Variants in DLG2 observed in about 807,000 individuals in gnomAD.
DLG2 encodes the protein discs large MAGUK scaffold protein 2.
Under a neutral mutation model 132.5 loss-of-function variants are expected in DLG2, and 45 were observed. That is an observed-to-expected ratio of 0.34 (90% CI 0.27 to 0.44). DLG2 has a LOEUF of 0.44. Ranked by LOEUF, DLG2 falls within the 20% of genes least tolerant of loss-of-function variation. The pLI, the probability that DLG2 is intolerant of heterozygous loss-of-function variation, is 1.00. For synonymous variants in DLG2, 424 were observed against 419.6 expected (o/e 1.01, Z -0.13); for missense variants, 1,045 against 1,196.9 (o/e 0.87, Z 1.87).
At chr11:84,818,130 C>T (rs557939758) in intron 6 of DLG2, among the ~76,000 whole-genome samples, 55 of 152,074 alleles carry the variant, frequency 3.6e-4, no homozygotes, top group African/African-American at 1.3e-3. Flanking sequence ...ACTTCTCTAT[C>T]AGAGGAGAAT....
chr11:85,421,962 T>C (rs1324048436), intron 3 of DLG2, among the ~76,000 whole-genome samples: 1 of 152,182 alleles, frequency 6.6e-6, no homozygotes, highest in Non-Finnish European at 1.5e-5. Context: ...TTTCACTGGA[T>C]ACACAATTTT....
chr11:83,732,008 C>T (rs930027892), intron 18 of DLG2, among the ~76,000 whole-genome samples: 1 of 152,116 alleles, frequency 6.6e-6, no homozygotes, highest in African/African-American at 2.4e-5. Context: ...TGCTTTGTTA[C>T]TATTTGGTAT....
chr11:85,371,986 G>A (rs2085019052), intron 3 of DLG2, among the ~76,000 whole-genome samples: 1 of 152,208 alleles, frequency 6.6e-6, no homozygotes, highest in Non-Finnish European at 1.5e-5. Context: ...GAACTGGAGA[G>A]AGAGAAATTA....
At chr11:85,464,020 A>C (rs558219378) in intron 3 of DLG2, among the ~76,000 whole-genome samples, 2 of 147,914 alleles carry the variant, frequency 1.4e-5, no homozygotes, top group East Asian at 2.0e-4. Flanking sequence ...ACACACACAC[A>C]CACGCCCCCC....
rs140967601 is a variant in DLG2 at position 85,575,180 on chromosome 11, A to G, written c.40+23477T>C. ...AAAAAAAAAAATCTTTATAATGGCC[A>G]AGAAATTCCATAATCTGTCTTCCCA... On this transcript the variant is annotated intron_variant, in intron 3 of 27. Coordinates refer to ENST00000376104, the MANE Select transcript of DLG2 (RefSeq NM_001142699.3). Among the ~76,000 whole-genome samples the G allele has an allele frequency of 7.6e-3, 1,159 of 151,838 alleles. 15 individuals are homozygous for G. Among genetic ancestry groups the G allele is most frequent in the African/African-American group, 0.027 (1,130 of 41,444 alleles).
At chr11:84,585,784 A>G (rs1014959719) in intron 6 of DLG2, among the ~76,000 whole-genome samples, 1 of 152,250 alleles carries the variant, frequency 6.6e-6, no homozygotes, top group African/African-American at 2.4e-5. Flanking sequence ...ATGGTCCTCC[A>G]TACTACTAGA....
At position 83,530,080 on chromosome 11, in the gene DLG2, A is replaced by ATCTG. The variant is rs372652839; in HGVS notation, c.2193+2624_2193+2627dup. On this transcript the variant is annotated intron_variant, in intron 21 of 27. Coordinates refer to ENST00000376104, the MANE Select transcript of DLG2 (RefSeq NM_001142699.3). ...AATCCTCTCACATATATCCAACTCT[A>ATCTG]TCTGTCTGTCTGTCTGTCTATCTAT... 1.5e-3 allele frequency among the ~76,000 whole-genome samples: 146 copies of ATCTG among 97,498 alleles called. 1 individual carries two copies. Among genetic ancestry groups the ATCTG allele is most frequent in the African/African-American group, 5.5e-3 (137 of 24,998 alleles). 64.0% of individuals were successfully genotyped at this position (97,498 alleles called of 152,430 possible).
chr11:85,320,669 G>C (rs2081000352), intron 3 of DLG2, among the ~76,000 whole-genome samples: 2 of 151,846 alleles, frequency 1.3e-5, no homozygotes, highest in African/African-American at 4.8e-5. Flanking sequence ...TCAGTAAAGA[G>C]GTGAAAAGTA....
intron 3 of DLG2, among the ~76,000 whole-genome samples, chr11:85,444,517 A>G (rs2091921670): frequency 6.6e-6 from 1 of 152,232 alleles, no homozygotes; most frequent in Non-Finnish European, 1.5e-5. Context: ...CCTTAGGCAC[A>G]GTTAGATTCT....
intron 15 of DLG2, among the ~76,000 whole-genome samples, chr11:83,901,903 A>G (rs2073550641): frequency 6.6e-6 from 1 of 152,180 alleles, no homozygotes; most frequent in Non-Finnish European, 1.5e-5. Flanking sequence ...TTTGTGTGAC[A>G]TCAAACACAA....
chr11:84,717,219 TA>T (rs752798986), intron 6 of DLG2, among the ~76,000 whole-genome samples: 12 of 152,094 alleles, frequency 7.9e-5, no homozygotes, highest in Admixed American at 3.3e-4. Context: ...AGGAAATAAA[TA>T]TTCATCCTAA....
At chr11:83,765,815 T>C (rs939456680) in intron 18 of DLG2, among the ~76,000 whole-genome samples, 1 of 152,200 alleles carries the variant, frequency 6.6e-6, no homozygotes, top group African/African-American at 2.4e-5. Context: ...AACTGTTGCC[T>C]TTGTGCACCA....
At chr11:83,470,596 C>T (rs544101313) in intron 24 of DLG2, among the ~76,000 whole-genome samples, 11 of 152,296 alleles carry the variant, frequency 7.2e-5, no homozygotes, top group East Asian at 1.9e-4. Flanking sequence ...TTGCTGTAAA[C>T]GACCTGGAGT....
intron 7 of DLG2, among the ~76,000 whole-genome samples, chr11:84,357,267 A>G (rs1203177168): frequency 6.6e-6 from 1 of 152,044 alleles, no homozygotes; most frequent in African/African-American, 2.4e-5. Context: ...ACACATCAAC[A>G]TGTGAGATAT....
chr11:85,011,927 T>G (rs893572355), intron 6 of DLG2, among the ~76,000 whole-genome samples: 1 of 152,204 alleles, frequency 6.6e-6, no homozygotes, highest in African/African-American at 2.4e-5. Flanking sequence ...GTATGCTTTT[T>G]ACTATTCTAG....
At chr11:84,731,237 C>A (rs920824515) in intron 6 of DLG2, among the ~76,000 whole-genome samples, 1 of 152,036 alleles carries the variant, frequency 6.6e-6, no homozygotes, top group African/African-American at 2.4e-5. Context: ...AGCACATTAA[C>A]TTTATCTCCC....
chr11:83,922,066 T>C (rs1490371191), intron 15 of DLG2, among the ~76,000 whole-genome samples: 1 of 152,154 alleles, frequency 6.6e-6, no homozygotes, highest in East Asian at 1.9e-4. Flanking sequence ...GAGTTCCTTG[T>C]TTTCTGTTGT....
In DLG2 at chr11:84,302,782, AT is replaced by A. The variant is rs368692849; in HGVS notation, c.520-51492del. Among the ~76,000 whole-genome samples, 66 of 152,292 alleles carry A rather than the reference AT, an allele frequency of 4.3e-4. 1 individual carries two copies. In the South Asian group the frequency reaches 0.013, roughly 31 times the overall value. On this transcript the variant is annotated intron_variant, in intron 7 of 27. Transcript: ENST00000376104. ...GATTTATGATTAACTACTAGTTTTT[AT>A]TTTATTAAAAAATAAAACGTGGGCC... is the stretch of plus-strand genomic sequence containing the variant.
At chr11:84,762,438 G>A (rs1026552129) in intron 6 of DLG2, among the ~76,000 whole-genome samples, 3 of 152,142 alleles carry the variant, frequency 2.0e-5, no homozygotes, top group African/African-American at 7.2e-5. Context: ...TCTCCTTCCT[G>A]TATTTTCTTT....
Sources: gnomAD v4.1 joint callset for allele counts (sites outside exome capture counted in the v4.1 genomes callset) on GRCh38, gnomAD v4.1.1 for gene constraint, MANE v1.5 for transcripts, NCBI Gene and HGNC (gene_info 2026-07-23, HGNC 2026-07-21) for gene names.